THSD1: variants seen among roughly 807,000 people sequenced by gnomAD.
THSD1 encodes the protein thrombospondin type-1 domain-containing protein 1.
THSD1 carries 34 observed loss-of-function variants against 46.3 expected under a neutral mutation model. That is an observed-to-expected ratio of 0.74 (90% CI 0.56 to 0.98). The LOEUF is 0.98. Among genes scored for constraint, THSD1 ranks in the 50% least tolerant of loss-of-function variants. THSD1 has a pLI of 0.00. For missense variants in THSD1, 1,023 were observed against 1,058.3 expected (o/e 0.97, Z 0.46); for synonymous variants, 407 against 416.5 (o/e 0.98, Z 0.28).
At position 52,398,280 on chromosome 13, in the gene THSD1, T is replaced by A. The variant is rs892579632; in HGVS notation, c.59-86A>T. 9 of 1,483,962 alleles carry A rather than the reference T, an allele frequency of 6.1e-6. No homozygotes were observed. The Admixed American group carries it at 8.9e-5, about 15-fold the overall frequency. 91.9% of individuals were successfully genotyped at this position (1,483,962 alleles called of 1,614,324 possible). On this transcript the variant is annotated intron_variant, in intron 2 of 4. Coordinates refer to ENST00000258613, the MANE Select transcript of THSD1 (RefSeq NM_018676.4). ...CATTGATGAAAACAGAATTTTTAAA[T>A]TTTTTTTTGAGACAGGGTCTCATGC...
chr13:52,381,793 C>T (rs1594096902), intron 4 of THSD1, among the ~76,000 whole-genome samples: 1 of 152,150 alleles, frequency 6.6e-6, no homozygotes, highest in East Asian at 1.9e-4. Context: ...GACCCTTCTC[C>T]AGCCCTCTCA....
At chr13:52,384,075 T>C (rs929218552) in intron 4 of THSD1, 1 of 332,602 alleles carries the variant, frequency 3.0e-6, no homozygotes, top group Non-Finnish European at 5.8e-6. Context: ...TGGTGGCACA[T>C]GCCAGAGGCT....
At chr13:52,404,127 T>C (rs1957888797) in intron 1 of THSD1, among the ~76,000 whole-genome samples, 1 of 151,796 alleles carries the variant, frequency 6.6e-6, no homozygotes, top group Non-Finnish European at 1.5e-5. Flanking sequence ...TTTGTATTTT[T>C]AGTAGAAACG....
intron 4 of THSD1, among the ~76,000 whole-genome samples, chr13:52,385,168 G>C (rs1957721418): frequency 1.3e-5 from 2 of 152,176 alleles, no homozygotes; most frequent in Admixed American, 6.5e-5. Context: ...AAGGAGCTAA[G>C]ATGGTCTTTT....
chr13:52,381,812 G>C (rs977918098), intron 4 of THSD1, among the ~76,000 whole-genome samples: 15 of 152,108 alleles, frequency 9.9e-5, no homozygotes, highest in Non-Finnish European at 2.2e-4. Flanking sequence ...CACGCTCTCA[G>C]ACCTATCTTG....
chr13:52,390,502 G>T (rs954964426), intron 3 of THSD1, among the ~76,000 whole-genome samples: 2 of 152,172 alleles, frequency 1.3e-5, no homozygotes, highest in Non-Finnish European at 2.9e-5. Flanking sequence ...AGAGGTCCAA[G>T]TGAACACAAT....
At chr13:52,383,152 T>G (rs2137727133) in intron 4 of THSD1, among the ~76,000 whole-genome samples, 1 of 152,342 alleles carries the variant, frequency 6.6e-6, no homozygotes, top group South Asian at 2.1e-4. Context: ...ATGTGCCTTC[T>G]GAGCTACTAT....
rs753946397 is a variant in THSD1 at position 52,378,222 on chromosome 13, T to A, written c.1748A>T (p.Asn583Ile). The A allele has an allele frequency of 4.3e-6, 7 of 1,614,198 alleles. No homozygotes were observed. The highest frequency in any genetic ancestry group is 5.9e-6 in the Non-Finnish European group (7 of 1,180,040). ...AAATGGGGATTTGATCCGGAACTTG[T>A]TTGCTGCAGCTTCTTCCGGGCTTTC... is the stretch of plus-strand genomic sequence containing the variant. ...DLESPEEAAA[N>I]KFRIKSPFPE... Residue 583 changes from asparagine (N) to isoleucine (I), a missense_variant, in exon 5 of 5, where the codon AAC becomes ATC. Around this residue, in one of 3 missense-constraint regions of THSD1, gnomAD observed 578 missense variants for 497.4 expected, o/e 1.16. Coordinates refer to ENST00000258613, the MANE Select transcript of THSD1 (RefSeq NM_018676.4).
At chr13:52,381,675 C>A (rs1454550456) in intron 4 of THSD1, among the ~76,000 whole-genome samples, 1 of 152,184 alleles carries the variant, frequency 6.6e-6, no homozygotes, top group Non-Finnish European at 1.5e-5. Flanking sequence ...TTCTAGGACT[C>A]CTTTGTCCAG....
intron 3 of THSD1, 106 bp from the exon 4 acceptor site, chr13:52,386,292 C>T (rs1957730217): frequency 1.5e-5 from 18 of 1,235,038 alleles, no homozygotes; most frequent in South Asian, 1.0e-4. Context: ...TTGAAAAGCC[C>T]GTGAGTTAAA....
chr13:52,377,881 GC>G lies in THSD1; in HGVS notation c.2088del (p.Arg696SerfsTer27). ...RTCEQAEDRF[R>X]PQSRGAHLFP... ...AACAGGTGGGCACCTCGACTCTGAG[GC>G]CTAAATCTGTCCTCTGCCTGCTCGC... On this transcript the variant is annotated frameshift_variant, in exon 5 of 5. Transcript: ENST00000258613. LOFTEE classifies it high-confidence loss of function. 1 of 1,614,192 alleles carries G rather than the reference GC, an allele frequency of 6.2e-7. No homozygotes were observed. Among genetic ancestry groups the G allele is most frequent in the Admixed American group, 1.7e-5 (1 of 60,028 alleles).
chr13:52,402,797 A>C, intron 1 of THSD1, 116 bp from the exon 2 acceptor site: 1 of 1,368,240 alleles, frequency 7.3e-7, no homozygotes, highest in Non-Finnish European at 9.5e-7. Flanking sequence ...TTGAAAGGAA[A>C]CTAGAGAGGA....
In THSD1 at chr13:52,377,978, C is replaced by T. The variant is rs1383070549; in HGVS notation, c.1992G>A (p.Pro664=). The change falls in exon 5 of 5, where the codon CCG becomes CCA. Residue 664 remains proline (P), a synonymous_variant. Transcript: ENST00000258613. ...ASFHEARQAR[P]FRERSMSTLT... is the part of the protein sequence containing the mutation. The stretch of plus-strand genomic sequence containing the variant: ...GAGTGGACATGCTCCTCTCTCGGAA[C>T]GGCCGGGCCTGCCTGGCTTCATGGA... 7 of 1,614,164 alleles carry T rather than the reference C, an allele frequency of 4.3e-6. No homozygotes were observed. The highest frequency in any genetic ancestry group is 5.9e-6 in the Non-Finnish European group (7 of 1,180,034).
At position 52,386,151 on chromosome 13, in the gene THSD1, T is replaced by C; in HGVS notation, c.1057A>G (p.Ser353Gly). 6.2e-7 allele frequency: 1 copy of C among 1,614,202 alleles called. No individual in the cohort carries two copies. Among genetic ancestry groups the C allele is most frequent in the Non-Finnish European group, 8.5e-7 (1 of 1,180,036 alleles). The change falls in exon 4 of 5, where the codon AGT becomes GGT. Residue 353 changes from serine to glycine, a missense_variant. Transcript: ENST00000258613. ...CTGACACCATCCCCACATGTGGCAC[T>C]ACACTGGCTCCATGGCTGCCACAGT... ...WGLWQPWSQC[S>G]ATCGDGVRER...
At chr13:52,404,302 T>A (rs1957890452) in intron 1 of THSD1, among the ~76,000 whole-genome samples, 1 of 152,180 alleles carries the variant, frequency 6.6e-6, no homozygotes, top group Non-Finnish European at 1.5e-5. Context: ...TGTTACATCT[T>A]TTCAGATAAG....
At position 52,397,960 on chromosome 13, in the gene THSD1, T is replaced by C. The variant is rs1957824817; in HGVS notation, c.293A>G (p.Asp98Gly). The stretch of plus-strand genomic sequence containing the variant: ...TTCTGGAGTCATTGTGAACCAGTAG[T>C]CACCAGCCTCCTTGAAATAGAAGCA... ...FECFYFKEAGDYWFTMTPEAT... is the reference protein window; with the variant it reads ...FECFYFKEAGGYWFTMTPEAT... Residue 98 changes from aspartate (D) to glycine (G), a missense_variant, in exon 3 of 5, where the codon GAC (aspartate) becomes GGC (glycine). By Grantham distance (94) the Asp-to-Gly change is moderately conservative. Coordinates refer to ENST00000258613, the MANE Select transcript of THSD1 (RefSeq NM_018676.4). 1 of 1,614,256 alleles carries C rather than the reference T, an allele frequency of 6.2e-7. No individual in the cohort carries two copies. The highest frequency in any genetic ancestry group is 2.2e-5 in the East Asian group (1 of 44,884).
intron 3 of THSD1, among the ~76,000 whole-genome samples, chr13:52,395,019 G>A (rs976879019): frequency 6.6e-6 from 1 of 152,186 alleles, no homozygotes; most frequent in African/African-American, 2.4e-5. Flanking sequence ...ATGTTAGCCA[G>A]GAGAAGGAGA....
In THSD1 at chr13:52,403,938, A is replaced by ATTTTTT. The variant is rs67802176; in HGVS notation, c.-81-1263_-81-1258dup. 4.1e-4 allele frequency among the ~76,000 whole-genome samples: 26 copies of ATTTTTT among 63,922 alleles called. 2 individuals are homozygous for ATTTTTT. The highest frequency in any genetic ancestry group is 2.0e-3 in the African/African-American group (25 of 12,792). 41.9% of individuals were successfully genotyped at this position (63,922 alleles called of 152,430 possible). A position where few individuals can be genotyped will look rare whatever the true frequency, so the allele number is the denominator to read the frequency against. ...GTTTAAGGTCCCCCCCATTATTCAC[A>ATTTTTT]TTTTTTTTTTTTTTTTTTTTTTTTT... On this transcript the variant is annotated intron_variant, in intron 1 of 4. Transcript: ENST00000258613.
chr13:52,405,568 C>CATCT (rs1172312656), intron 1 of THSD1, among the ~76,000 whole-genome samples: 1 of 152,196 alleles, frequency 6.6e-6, no homozygotes, highest in African/African-American at 2.4e-5. Context: ...TGGCTCGCCC[C>CATCT]ATCTACTCAG....
Sources: gnomAD v4.1 joint callset for allele counts (sites outside exome capture counted in the v4.1 genomes callset) on GRCh38, gnomAD v4.1.1 for gene constraint, gnomAD v4.1.1 regional missense constraint, MANE v1.5 for transcripts, NCBI Gene and HGNC (gene_info 2026-07-23, HGNC 2026-07-21) for gene names.